LHFPL3: variants seen among roughly 807,000 people sequenced by gnomAD.
The protein encoded by LHFPL3 is LHFPL tetraspan subfamily member 3 protein.
A neutral mutation model predicts 19.3 loss-of-function variants in LHFPL3; 5 were observed. That is an observed-to-expected ratio of 0.26 (90% confidence interval 0.14 to 0.54). The LOEUF (loss-of-function observed/expected upper bound fraction) is 0.54. LHFPL3 is among the 20% of genes least tolerant of loss of function. LHFPL3 has a pLI of 0.94. For missense variants in LHFPL3, 249 were observed against 307.4 expected (o/e 0.81, Z 1.42); for synonymous variants, 133 against 126.2 (o/e 1.05, Z -0.36).
At chr7:104,510,695 T>C (rs1337127485) in intron 1 of LHFPL3, among the ~76,000 whole-genome samples, 1 of 152,184 alleles carries the variant, frequency 6.6e-6, no homozygotes, top group Non-Finnish European at 1.5e-5. Context: ...TTGAATTTCA[T>C]CAAAATTTAA....
chr7:104,490,743 A>G (rs943641254), intron 1 of LHFPL3, among the ~76,000 whole-genome samples: 1 of 152,206 alleles, frequency 6.6e-6, no homozygotes, highest in African/African-American at 2.4e-5. Flanking sequence ...TCTTGCCAAA[A>G]ATATTGCTCA....
At chr7:104,658,526 G>T (rs970235083) in intron 1 of LHFPL3, among the ~76,000 whole-genome samples, 6 of 152,094 alleles carry the variant, frequency 3.9e-5, no homozygotes, top group Non-Finnish European at 7.4e-5. Flanking sequence ...TACCTGGCTG[G>T]CATGGTTGCT....
At chr7:104,809,181 C>G (rs572729580) in intron 2 of LHFPL3, among the ~76,000 whole-genome samples, 1 of 152,092 alleles carries the variant, frequency 6.6e-6, no homozygotes, top group African/African-American at 2.4e-5. Context: ...GGCGTGAGCC[C>G]GCGTGCCCAG....
At chr7:104,478,006 C>T (rs112458993) in intron 1 of LHFPL3, among the ~76,000 whole-genome samples, 1,697 of 152,224 alleles carry the variant, frequency 0.011, 25 homozygotes, top group African/African-American at 0.036. Flanking sequence ...CCAAAGTGCT[C>T]TCTGTATTTT....
intron 1 of LHFPL3, among the ~76,000 whole-genome samples, chr7:104,347,766 C>T (rs1790099843): frequency 1.3e-5 from 2 of 152,010 alleles, no homozygotes; most frequent in Non-Finnish European, 2.9e-5. Context: ...GTGGCACGCC[C>T]CTGTAATCCC....
chr7:104,838,062 G>A (rs901306856), intron 2 of LHFPL3, among the ~76,000 whole-genome samples: 1 of 152,132 alleles, frequency 6.6e-6, no homozygotes, highest in South Asian at 2.1e-4. Flanking sequence ...CCAGTAATCA[G>A]AGCTTAACCT....
chr7:104,808,475 C>A (rs1790408303), intron 2 of LHFPL3, among the ~76,000 whole-genome samples: 1 of 152,136 alleles, frequency 6.6e-6, no homozygotes, highest in Admixed American at 6.5e-5. Context: ...TGGAATTGTG[C>A]CTGGTGACTA....
intron 1 of LHFPL3, among the ~76,000 whole-genome samples, chr7:104,735,421 C>T (rs1047686514): frequency 5.3e-5 from 8 of 152,208 alleles, no homozygotes; most frequent in Admixed American, 1.3e-4. Context: ...CAATGGCGGG[C>T]GCCCCTCTCC....
intron 1 of LHFPL3, among the ~76,000 whole-genome samples, chr7:104,450,298 G>A (rs76575684): frequency 6.6e-6 from 1 of 152,108 alleles, no homozygotes; most frequent in African/African-American, 2.4e-5. Flanking sequence ...ATTGTAAATC[G>A]TGCCCTTTAA....
intron 1 of LHFPL3, among the ~76,000 whole-genome samples, chr7:104,650,120 A>T (rs1792004304): frequency 6.6e-6 from 1 of 152,220 alleles, no homozygotes; most frequent in South Asian, 2.1e-4. Context: ...GTGGCAACTG[A>T]GAGCACAAGT....
At chr7:104,773,269 G>T (rs1794588530) in intron 2 of LHFPL3, among the ~76,000 whole-genome samples, 1 of 152,166 alleles carries the variant, frequency 6.6e-6, no homozygotes, top group African/African-American at 2.4e-5. Context: ...GTGTGCCTCT[G>T]GGGGTGGGCC....
intron 1 of LHFPL3, among the ~76,000 whole-genome samples, chr7:104,442,563 A>G (rs960986868): frequency 1.3e-5 from 2 of 152,188 alleles, no homozygotes; most frequent in Non-Finnish European, 2.9e-5. Flanking sequence ...GTAGCAAGTT[A>G]TATTTAGGAA....
At chr7:104,829,691 T>C (rs1022876229) in intron 2 of LHFPL3, among the ~76,000 whole-genome samples, 5 of 152,108 alleles carry the variant, frequency 3.3e-5, no homozygotes, top group African/African-American at 9.7e-5. Flanking sequence ...TAGTATTCCA[T>C]GGTGTATATG....
At chr7:104,495,447 A>G (rs552977699) in intron 1 of LHFPL3, among the ~76,000 whole-genome samples, 3 of 152,082 alleles carry the variant, frequency 2.0e-5, no homozygotes, top group Non-Finnish European at 2.9e-5. Context: ...GCAGTGGCAC[A>G]ATCTCAGCTC....
intron 1 of LHFPL3, among the ~76,000 whole-genome samples, chr7:104,490,245 A>T (rs1387188019): frequency 1.3e-5 from 2 of 152,202 alleles, no homozygotes; most frequent in Admixed American, 6.5e-5. Context: ...TAAATAAGAT[A>T]AAAATGACCT....
intron 1 of LHFPL3, among the ~76,000 whole-genome samples, chr7:104,380,525 C>A (rs2097667): frequency 0.58 from 88,106 of 151,876 alleles, 26,263 homozygotes; most frequent in African/African-American, 0.72. Context: ...CATCTGAATA[C>A]AAATTAATGA....
chr7:104,483,332 G>A (rs990232070), intron 1 of LHFPL3, among the ~76,000 whole-genome samples: 7 of 152,118 alleles, frequency 4.6e-5, no homozygotes, highest in Non-Finnish European at 8.8e-5. Flanking sequence ...AAACAGGAAA[G>A]GTGTAAAGCA....
At chr7:104,710,609 G>A (rs1391845401) in intron 1 of LHFPL3, among the ~76,000 whole-genome samples, 3 of 152,104 alleles carry the variant, frequency 2.0e-5, no homozygotes, top group Non-Finnish European at 4.4e-5. Context: ...GTTACCACCC[G>A]TGACATTTGG....
intron 2 of LHFPL3, among the ~76,000 whole-genome samples, chr7:104,804,382 A>C (rs1790313620): frequency 6.6e-6 from 1 of 152,178 alleles, no homozygotes; most frequent in Non-Finnish European, 1.5e-5. Flanking sequence ...AAAACAATGG[A>C]TGTCTGCCAT....
Sources: allele counts gnomAD v4.1 joint callset (sites outside exome capture counted in the v4.1 genomes callset), GRCh38; gene constraint gnomAD v4.1.1; transcripts MANE v1.5; gene names NCBI Gene and HGNC (gene_info 2026-07-23, HGNC 2026-07-21).